CACNA1B: variants seen among roughly 807,000 people sequenced by gnomAD.
The protein encoded by CACNA1B is voltage-dependent N-type calcium channel subunit alpha-1B.
In CACNA1B, 70 loss-of-function variants were observed where a neutral mutation model predicts 247.2. The observed-to-expected ratio is 0.28, with a 90% CI of 0.23 to 0.35. CACNA1B has a LOEUF of 0.35. Ranked by LOEUF, CACNA1B falls within the 10% of genes least tolerant of loss-of-function variation. CACNA1B has a pLI of 1.00. For missense variants in CACNA1B, 2,367 were observed against 3,197.4 expected (o/e 0.74, Z 6.26); for synonymous variants, 1,231 against 1,294.4 (o/e 0.95, Z 1.05).
At position 137,899,219 on chromosome 9, in the gene CACNA1B, C is replaced by T. The variant is rs1313935891; in HGVS notation, c.531-13961C>T. On this transcript the variant is annotated intron_variant, in intron 3 of 46. Transcript: ENST00000371372. This position sits in a 1 kb window ranked among gnomAD's most constrained non-coding sequence, Gnocchi z 5.0. ...TGTCCTGCCTTAGCTTCTTGGGTAG[C>T]GGGATTACAGGCGCGCTCCACCATG... Among the ~76,000 whole-genome samples, 6 of 151,840 alleles carry T rather than the reference C, an allele frequency of 4.0e-5. No homozygotes were observed. Among genetic ancestry groups the T allele is most frequent in the African/African-American group, 1.2e-4 (5 of 41,394 alleles).
intron 15 of CACNA1B, among the ~76,000 whole-genome samples, chr9:138,001,514 A>G (rs1958577569): frequency 6.6e-6 from 1 of 152,176 alleles, no homozygotes; most frequent in African/African-American, 2.4e-5. Context: ...ATAATAGTAA[A>G]AGATTAGAAG....
chr9:138,071,085 G>A lies in CACNA1B; in HGVS notation c.4674+1322G>A, dbSNP rs532147221. Among the ~76,000 whole-genome samples the A allele has an allele frequency of 1.4e-3, 218 of 152,330 alleles. 2 individuals are homozygous for A. Among genetic ancestry groups the A allele is most frequent in the African/African-American group, 5.1e-3 (213 of 41,578 alleles). Reference sequence around the variant, plus strand: ...AGTCAGTGGGTCACTGTCATGGCACGGTGTCCTGCAGTGCTAAGAGCAATT... The same window carrying A: ...AGTCAGTGGGTCACTGTCATGGCACAGTGTCCTGCAGTGCTAAGAGCAATT... On this transcript the variant is annotated intron_variant, in intron 32 of 46. Transcript: ENST00000371372.
rs540677343 is a variant in CACNA1B, at chr9:137,920,560, C to T, written c.966+3129C>T. ...ACTTGAAAGTGGCTGTAGAACTTCG[C>T]CTTACCCAGGAGCTGTCAGAATGGT... On this transcript the variant is annotated intron_variant, in intron 6 of 46. Coordinates refer to ENST00000371372, the MANE Select transcript of CACNA1B (RefSeq NM_000718.4). 2.3e-4 allele frequency among the ~76,000 whole-genome samples: 35 copies of T among 152,308 alleles called. No homozygotes were observed. The South Asian group carries it at 3.9e-3, about 17-fold the overall frequency.
In CACNA1B at chr9:138,061,007, C is replaced by T. The variant is rs560384798; in HGVS notation, c.4668+1270C>T. ...GGGATGACCCAGACCCTCAGCCCTG[C>T]GCATCCCAAGTCCCTACTTGTTGCC... On this transcript the variant is annotated intron_variant, in intron 31 of 46. Coordinates refer to ENST00000371372, the MANE Select transcript of CACNA1B (RefSeq NM_000718.4). Among the ~76,000 whole-genome samples the T allele has an allele frequency of 5.3e-5, 8 of 152,330 alleles. No individual in the cohort carries two copies. In the South Asian group the frequency reaches 1.0e-3, roughly 20 times the overall value.
chr9:138,032,637 T>G, intron 20 of CACNA1B: 3 of 452,682 alleles, frequency 6.6e-6, no homozygotes, highest in Non-Finnish European at 1.3e-5. Context: ...GAAGGGTATT[T>G]TCAGTGGGTA....
chr9:137,962,561 T>C (rs780169882), intron 10 of CACNA1B, among the ~76,000 whole-genome samples: 5 of 152,208 alleles, frequency 3.3e-5, no homozygotes, highest in Non-Finnish European at 7.3e-5. Flanking sequence ...TTTAACTGTG[T>C]CCCAGAGATT....
intron 18 of CACNA1B, among the ~76,000 whole-genome samples, chr9:138,015,052 T>C (rs1412532627): frequency 6.6e-6 from 1 of 152,122 alleles, no homozygotes; most frequent in African/African-American, 2.4e-5. Flanking sequence ...AAAGAGCTTC[T>C]TTTTTCCCGG....
intron 41 of CACNA1B, 77 bp downstream of exon 41, chr9:138,114,567 G>A (rs958053801): frequency 2.2e-5 from 15 of 690,870 alleles, no homozygotes; most frequent in Middle Eastern, 3.2e-4. Flanking sequence ...GGTTGACGAC[G>A]GGGGAGATGC....
intron 6 of CACNA1B, among the ~76,000 whole-genome samples, chr9:137,928,964 G>C (rs1360424597): frequency 1.3e-5 from 2 of 152,112 alleles, no homozygotes; most frequent in African/African-American, 4.8e-5. Context: ...TGTATTTATA[G>C]CATATTTTAT....
intron 11 of CACNA1B, among the ~76,000 whole-genome samples, chr9:137,972,371 A>G (rs144140674): frequency 9.9e-4 from 151 of 152,280 alleles, no homozygotes; most frequent in Non-Finnish European, 1.5e-3. Flanking sequence ...GGGTGTCTAC[A>G]GCGGATCTGG....
intron 20 of CACNA1B, among the ~76,000 whole-genome samples, chr9:138,043,090 A>G (rs992965667): frequency 2.0e-5 from 3 of 152,174 alleles, no homozygotes; most frequent in Non-Finnish European, 4.4e-5. Context: ...AATTTACCTA[A>G]AAAAACAAGG....
chr9:138,118,656 T>G lies in CACNA1B; in HGVS notation c.5918T>G (p.Val1973Gly). ...AGGTGAGTGCTGTATCCACAGGCTG[T>G]GGACGTTCAGATGCAGAGCATAACC... ...IPVGRSGALA[V>G]DVQMQSITRR... The change falls in exon 44 of 47, where the codon GTG becomes GGG. Residue 1973 changes from valine (V) to glycine (G), a missense_variant. This residue lies in a region of CACNA1B where 773 missense variants were observed against 779.4 expected (regional missense o/e 0.99). Transcript: ENST00000371372. 1 of 1,506,292 alleles carries G rather than the reference T, an allele frequency of 6.6e-7. No individual in the cohort carries two copies. The allele number at this position is 1,506,292 out of a possible 1,614,324, so 93.3% of individuals were successfully genotyped here. A position where few individuals can be genotyped will look rare whatever the true frequency, so the allele number is the denominator to read the frequency against.
At chr9:138,000,306 G>C (rs7022776) in intron 15 of CACNA1B, among the ~76,000 whole-genome samples, 21 of 151,822 alleles carry the variant, frequency 1.4e-4, no homozygotes, top group Non-Finnish European at 2.6e-4. Context: ...CACCGTGTTA[G>C]CCAGGATGGT....
intron 20 of CACNA1B, among the ~76,000 whole-genome samples, chr9:138,038,153 T>C (rs543640301): frequency 2.6e-5 from 4 of 152,358 alleles, no homozygotes; most frequent in Admixed American, 1.3e-4. Flanking sequence ...TGTAAAATTT[T>C]GAATTTTAAC....
intron 37 of CACNA1B, among the ~76,000 whole-genome samples, chr9:138,099,233 G>A (rs571866437): frequency 4.5e-4 from 69 of 152,378 alleles, no homozygotes; most frequent in South Asian, 6.2e-4. Context: ...TGTTGTGCAC[G>A]CATGCACACA....
intron 6 of CACNA1B, among the ~76,000 whole-genome samples, chr9:137,936,153 G>A (rs551097153): frequency 1.2e-4 from 18 of 152,172 alleles, no homozygotes; most frequent in African/African-American, 2.4e-4. Context: ...CACTGCGCCC[G>A]GCTGTTTCCT....
intron 15 of CACNA1B, among the ~76,000 whole-genome samples, chr9:137,987,505 A>G (rs1958379923): frequency 6.6e-6 from 1 of 152,176 alleles, no homozygotes; most frequent in Non-Finnish European, 1.5e-5. Context: ...ACATACTTGG[A>G]TGCCATGTCT....
At position 137,888,326 on chromosome 9, in the gene CACNA1B, C is replaced by T. The variant is rs114286780; in HGVS notation, c.530+5443C>T. Among the ~76,000 whole-genome samples the T allele has an allele frequency of 0.01, 1,521 of 152,018 alleles. 30 individuals carry two copies. The highest frequency in any genetic ancestry group is 0.035 in the African/African-American group (1,466 of 41,508). ...TCTCACGTGCATCCACGCTCCCAGT[C>T]CTGTCCCCACGTCACTGCCTCTGCC... On this transcript the variant is annotated intron_variant, in intron 3 of 46. Coordinates refer to ENST00000371372, the MANE Select transcript of CACNA1B (RefSeq NM_000718.4). This position sits in a 1 kb window ranked among gnomAD's most constrained non-coding sequence, Gnocchi z 4.7.
intron 15 of CACNA1B, among the ~76,000 whole-genome samples, chr9:137,991,578 G>T (rs774304529): frequency 2.0e-5 from 3 of 152,156 alleles, no homozygotes; most frequent in Non-Finnish European, 4.4e-5. Flanking sequence ...AAACACACTT[G>T]GGAAATTCAT....
Sources: gnomAD v4.1 joint callset for allele counts (sites outside exome capture counted in the v4.1 genomes callset) on GRCh38, gnomAD v4.1.1 for gene constraint, gnomAD v4.1.1 regional missense constraint, Gnocchi (gnomAD v3.1) non-coding constraint, MANE v1.5 for transcripts, NCBI Gene and HGNC (gene_info 2026-07-23, HGNC 2026-07-21) for gene names.